PCDHA2: variants seen among roughly 807,000 people sequenced by gnomAD.
PCDHA2 encodes the protein protocadherin alpha-2.
In PCDHA2, 58 loss-of-function variants were observed where a neutral mutation model predicts 66.0. The observed-to-expected ratio is 0.88, with a 90% CI of 0.71 to 1.09. The LOEUF (loss-of-function observed/expected upper bound fraction) is 1.09, where lower values mean the gene tolerates loss of function less well. Among genes scored for constraint, PCDHA2 ranks in the 50% least tolerant of loss-of-function variants. The probability of loss-of-function intolerance (pLI) is 0.00; values close to 1 mark genes in which losing one functional copy is unlikely to be tolerated. For synonymous variants in PCDHA2, 634 were observed against 554.0 expected, an observed-to-expected ratio of 1.14 and a Z score of -2.03; for missense variants, 1,267 against 1,242.3, an observed-to-expected ratio of 1.02 and a Z score of -0.30.
At chr5:140,841,587 G>C in intron 1 of PCDHA2, 1 of 1,614,074 alleles carries the variant, frequency 6.2e-7, no homozygotes, top group Non-Finnish European at 8.5e-7. Context: ...GTGAATTCTC[G>C]GATCGACCGC....
intron 1 of PCDHA2, among the ~76,000 whole-genome samples, chr5:140,806,162 G>T (rs1554123544): frequency 6.6e-6 from 1 of 152,028 alleles, no homozygotes; most frequent in African/African-American, 2.4e-5. Context: ...TATAAAATGG[G>T]GTAAATTGGC....
chr5:140,847,915 T>C (rs1166954389), intron 1 of PCDHA2: 1 of 150,482 alleles, frequency 6.6e-6, no homozygotes, highest in Non-Finnish European at 1.5e-5. Flanking sequence ...TGGGCTCCTA[T>C]ATTCACTAGA....
At chr5:140,830,375 G>T (rs1372928011) in intron 1 of PCDHA2, 3 of 1,614,054 alleles carry the variant, frequency 1.9e-6, no homozygotes, top group African/African-American at 2.7e-5. Flanking sequence ...GTGCTCCGGG[G>T]AGGGCCCACC....
intron 1 of PCDHA2, among the ~76,000 whole-genome samples, chr5:140,924,394 T>A (rs973977224): frequency 2.0e-5 from 3 of 152,176 alleles, no homozygotes; most frequent in Admixed American, 2.0e-4. Context: ...CTACTTATAT[T>A]GCCTTATATC....
intron 1 of PCDHA2, chr5:140,926,324 G>A (rs574950381): frequency 6.6e-6 from 1 of 152,268 alleles, no homozygotes; most frequent in Non-Finnish European, 1.5e-5. Flanking sequence ...GTGCGCCGGG[G>A]TCAGAGCGCC....
rs1554164701 is a variant in PCDHA2 at position 140,870,777 on chromosome 5, C to T, written c.2388+73425C>T. The T allele has an allele frequency of 3.1e-6, 5 of 1,613,610 alleles. No individual in the cohort carries two copies. In the African/African-American group the frequency reaches 4.0e-5, roughly 13 times the overall value. On this transcript the variant is annotated intron_variant, in intron 1 of 3. Coordinates refer to ENST00000526136, the MANE Select transcript of PCDHA2 (RefSeq NM_018905.3). Reference sequence around the variant, plus strand: ...TGCAGGTGTTCGTGCTGGACGAGAACGACAACGCGCCGGCACTGCTGGCGA... The same window carrying T: ...TGCAGGTGTTCGTGCTGGACGAGAATGACAACGCGCCGGCACTGCTGGCGA...
chr5:140,909,011 T>G (rs998704146), intron 1 of PCDHA2, among the ~76,000 whole-genome samples: 1 of 152,170 alleles, frequency 6.6e-6, no homozygotes, highest in Non-Finnish European at 1.5e-5. Flanking sequence ...AGGTAGAAGG[T>G]TCCTGAATTT....
Position 140,841,181 on chromosome 5 carries a change from CAA to C in PCDHA2, c.2388+43831_2388+43832del, listed in dbSNP as rs1777074399. The C allele has an allele frequency of 1.0e-5, 12 of 1,156,490 alleles. 1 individual carries two copies. The highest frequency in any genetic ancestry group is 1.6e-5 in the South Asian group (1 of 61,808). 71.6% of individuals were successfully genotyped at this position (1,156,490 alleles called of 1,614,324 possible). On this transcript the variant is annotated intron_variant, in intron 1 of 3. Transcript: ENST00000526136. ...CAAGAAGTTCTGGTTGGTCAATGTTCAAAGTCTTTTCTCTGACAGCATCTGTC... is the reference window on the plus strand; with the variant it reads ...CAAGAAGTTCTGGTTGGTCAATGTTCAGTCTTTTCTCTGACAGCATCTGTC...
At chr5:140,884,376 C>T (rs1554181489) in intron 1 of PCDHA2, 2 of 1,613,982 alleles carry the variant, frequency 1.2e-6, no homozygotes, top group Non-Finnish European at 1.7e-6. Context: ...TTGATCATTG[C>T]CATCTGCGCG....
At chr5:140,960,508 A>C (rs1026528724) in intron 1 of PCDHA2, among the ~76,000 whole-genome samples, 10 of 152,190 alleles carry the variant, frequency 6.6e-5, no homozygotes, top group Non-Finnish European at 1.3e-4. Context: ...TCCAAGCAGC[A>C]AACATAATGG....
chr5:140,980,441 A>G (rs1454168972), intron 2 of PCDHA2, among the ~76,000 whole-genome samples: 7 of 152,124 alleles, frequency 4.6e-5, no homozygotes, highest in African/African-American at 1.7e-4. Context: ...ACCATCCTGG[A>G]CAACACGGTG....
rs144574743 is a variant in PCDHA2, at chr5:140,848,603, G to C, written c.2388+51251G>C. ...GCGGCCAGCTCCACTACTCCGTCCCGGAGGAAGCCGAACACGGCACCTTCG... is the reference window on the plus strand; with the variant it reads ...GCGGCCAGCTCCACTACTCCGTCCCCGAGGAAGCCGAACACGGCACCTTCG... On this transcript the variant is annotated intron_variant, in intron 1 of 3. Transcript: ENST00000526136. 5,441 of 1,581,086 alleles carry C rather than the reference G, an allele frequency of 3.4e-3. 700 individuals are homozygous for C. Among genetic ancestry groups the C allele is most frequent in the Middle Eastern group, 0.011 (64 of 5,726 alleles).
At position 140,796,982 on chromosome 5, in the gene PCDHA2, G is replaced by A. The variant is rs1422605592; in HGVS notation, c.2018G>A (p.Gly673Asp). 2.5e-6 allele frequency: 4 copies of A among 1,613,794 alleles called. No individual in the cohort carries two copies. Among genetic ancestry groups the A allele is most frequent in the Middle Eastern group, 1.6e-4 (1 of 6,062 alleles). ...ATVLVSLVES[G>D]QAPKASSRAW... ...GTGTTAGTGTCGTTGGTGGAAAGTG[G>A]CCAGGCACCCAAGGCCTCGTCGCGG... Residue 673 changes from glycine (G) to aspartate (D), a missense_variant, in exon 1 of 4, where the codon GGC becomes GAC. Transcript: ENST00000526136.
intron 3 of PCDHA2, among the ~76,000 whole-genome samples, chr5:140,991,069 G>T (rs1156985445): frequency 6.6e-6 from 1 of 152,136 alleles, no homozygotes; most frequent in Non-Finnish European, 1.5e-5. Flanking sequence ...TTATTCCCAT[G>T]TTTCAGATAA....
chr5:140,870,775 A>G (rs782661485), intron 1 of PCDHA2: 3 of 1,613,592 alleles, frequency 1.9e-6, no homozygotes, highest in Non-Finnish European at 1.7e-6. Context: ...GCTGGACGAG[A>G]ACGACAACGC....
intron 1 of PCDHA2, among the ~76,000 whole-genome samples, chr5:140,839,625 C>T (rs1361180713): frequency 6.6e-6 from 1 of 151,884 alleles, no homozygotes; most frequent in African/African-American, 2.4e-5. Flanking sequence ...CCTGAGATAT[C>T]GAGAAATACT....
intron 1 of PCDHA2, among the ~76,000 whole-genome samples, chr5:140,821,088 C>G (rs2150108660): frequency 6.6e-6 from 1 of 151,814 alleles, no homozygotes; most frequent in South Asian, 2.1e-4. Context: ...TTGAAAATAA[C>G]ATCAACAAAA....
In PCDHA2 at chr5:140,850,761, C is replaced by T. The variant is rs2150497421; in HGVS notation, c.2388+53409C>T. ...TTGGTCGTACTCGCAGCAGAGGAGGCAGAGGGTGTGCTCTGGCGAGGGTAA... is the reference window on the plus strand; with the variant it reads ...TTGGTCGTACTCGCAGCAGAGGAGGTAGAGGGTGTGCTCTGGCGAGGGTAA... On this transcript the variant is annotated intron_variant, in intron 1 of 3. Coordinates refer to ENST00000526136, the MANE Select transcript of PCDHA2 (RefSeq NM_018905.3). The T allele has an allele frequency of 1.4e-5, 23 of 1,597,888 alleles. 2 individuals are homozygous for T. In the Admixed American group the frequency reaches 1.5e-4, roughly 11 times the overall value.
intron 1 of PCDHA2, chr5:140,864,535 C>G (rs535465437): frequency 1.3e-5 from 2 of 152,242 alleles, no homozygotes; most frequent in South Asian, 2.1e-4. Flanking sequence ...TAATTTTTGT[C>G]TTCAATCTTC....
Sources: allele counts gnomAD v4.1 joint callset (sites outside exome capture counted in the v4.1 genomes callset), GRCh38; gene constraint gnomAD v4.1.1; transcripts MANE v1.5; gene names NCBI Gene and HGNC (gene_info 2026-07-23, HGNC 2026-07-21).